The following TAF11 variants were observed in gnomAD, a reference collection of about 807,000 sequenced individuals.
TAF11 encodes transcription initiation factor TFIID subunit 11.
Under a neutral mutation model 23.0 loss-of-function variants are expected in TAF11, and 10 were observed. The ratio of observed to expected loss-of-function variants is 0.43; its 90% CI spans 0.27 to 0.74. The LOEUF (loss-of-function observed/expected upper bound fraction) is 0.74. Among genes scored for constraint, TAF11 ranks in the 30% least tolerant of loss-of-function variants. The pLI is 0.19. For missense variants in TAF11, 196 were observed against 261.7 expected (o/e 0.75, Z 1.73); for synonymous variants, 85 against 95.8 (o/e 0.89, Z 0.66).
At position 34,879,988 on chromosome 6, in the gene TAF11, C is replaced by T. The variant is rs377382395; in HGVS notation, c.484G>A (p.Val162Ile). Residue 162 changes from valine (V) to isoleucine (I), a missense_variant, in exon 4 of 5, where the codon GTC (valine) becomes ATC (isoleucine). Physicochemically the swap from Val to Ile is conservative, Grantham distance 29 (BLOSUM62 3). Coordinates refer to ENST00000361288, the MANE Select transcript of TAF11 (RefSeq NM_005643.4). ...TCACCTTCTTCTACCACCTCCCCGA[C>T]GAAAACCTTGGAAATACCAGACATA... ...IAMSGISKVF[V>I]GEVVEEALDV... 5.0e-6 allele frequency: 8 copies of T among 1,613,918 alleles called. No individual in the cohort carries two copies. The highest frequency in any genetic ancestry group is 1.3e-5 in the African/African-American group (1 of 74,902).
chr6:34,880,969 TAAAA>T lies in TAF11; in HGVS notation c.321-597_321-594del, dbSNP rs529692010. On this transcript the variant is annotated intron_variant, in intron 2 of 4. Transcript: ENST00000361288. The surrounding 1 kb of genome is among the most constrained non-coding windows in gnomAD (Gnocchi z 4.8). ...CATTTTTCATAAATCAGACCACTATTAAAAAAAGAATGGTATTAGAATATGGGAC... is the reference window on the plus strand; with the variant it reads ...CATTTTTCATAAATCAGACCACTATTAAAGAATGGTATTAGAATATGGGAC... 3.9e-5 allele frequency among the ~76,000 whole-genome samples: 6 copies of T among 152,070 alleles called. No individual in the cohort carries two copies. The highest frequency in any genetic ancestry group is 1.4e-4 in the African/African-American group (6 of 41,392).
At chr6:34,888,057 C>T, upstream of TAF11, 2 of 1,542,018 alleles carry the variant, frequency 1.3e-6, no homozygotes, top group Non-Finnish European at 1.7e-6. Context: ...CCTGTCGTCG[C>T]GCAGCGATGA....
At chr6:34,879,524 A>T (rs918530004) in intron 4 of TAF11, 68 of 985,048 alleles carry the variant, frequency 6.9e-5, no homozygotes, top group Middle Eastern at 5.2e-4. Flanking sequence ...AAAAAAAAAA[A>T]AAAATTTCAC....
intron 4 of TAF11, 46 bp downstream of exon 4, chr6:34,879,921 A>T (rs746122411): frequency 6.3e-7 from 1 of 1,590,674 alleles, no homozygotes; most frequent in Non-Finnish European, 8.6e-7. Context: ...CTTAAAAATA[A>T]GACCACCACA....
At position 34,877,628 on chromosome 6, in the gene TAF11, T is replaced by C. The variant is rs528516545; in HGVS notation, c.*962A>G. 2.0e-5 allele frequency: 3 copies of C among 152,696 alleles called. No individual in the cohort carries two copies. The highest frequency in any genetic ancestry group is 6.5e-5 in the Admixed American group (1 of 15,292). 9.5% of individuals were successfully genotyped at this position (152,696 alleles called of 1,614,324 possible). ...ACACTGTTTTTAACAGTGCTTGAAG[T>C]ACTCTTTTATGAGATAAAATTTTAA... is the stretch of plus-strand genomic sequence containing the variant. On this transcript the variant is annotated 3_prime_UTR_variant, in exon 5 of 5. Coordinates refer to ENST00000361288, the MANE Select transcript of TAF11 (RefSeq NM_005643.4).
intron 4 of TAF11, 94 bp from the exon 5 acceptor site, chr6:34,878,814 T>G: frequency 9.2e-7 from 1 of 1,090,682 alleles, no homozygotes; most frequent in Non-Finnish European, 1.4e-6. Context: ...TAACTTTTCT[T>G]AAGCTTGCTA....
chr6:34,880,340 G>T lies in TAF11; in HGVS notation c.357C>A (p.Asn119Lys), dbSNP rs773682405. The T allele has an allele frequency of 6.2e-7, 1 of 1,614,026 alleles. No individual in the cohort carries two copies. Residue 119 changes from asparagine (N) to lysine (K), a missense_variant, in exon 3 of 5, where the codon AAC becomes AAA. Physicochemically the swap from Asn to Lys is moderately conservative, Grantham distance 94. Transcript: ENST00000361288. This position sits in a 1 kb window ranked among gnomAD's most constrained non-coding sequence, Gnocchi z 4.8. ...CTGAGCGGCGATACATTTCATAACG[G>T]TTCAGCTGCTCCTCAGAAAAAGAAG... ...LVSSFSEEQLNRYEMYRRSAF... is the reference protein window; with the variant it reads ...LVSSFSEEQLKRYEMYRRSAF...
intron 1 of TAF11, 80 bp downstream of exon 1, chr6:34,887,707 G>A (rs1258092744): frequency 1.9e-6 from 3 of 1,553,370 alleles, no homozygotes; most frequent in Non-Finnish European, 2.7e-6. Flanking sequence ...ACTTGTTAGG[G>A]ACTAACCAGA....
At chr6:34,879,211 C>A in intron 4 of TAF11, 2 of 176,050 alleles carry the variant, frequency 1.1e-5, no homozygotes, top group Non-Finnish European at 2.1e-5. Context: ...TCTCAAATAA[C>A]TACATAAAAA....
At chr6:34,887,069 C>G (rs1444572781) in intron 1 of TAF11, among the ~76,000 whole-genome samples, 2 of 151,800 alleles carry the variant, frequency 1.3e-5, no homozygotes, top group Non-Finnish European at 2.9e-5. Flanking sequence ...TTTGGGAGGC[C>G]GAGGCGGGCG....
chr6:34,881,101 A>G (rs1414638306), intron 2 of TAF11, among the ~76,000 whole-genome samples: 1 of 152,226 alleles, frequency 6.6e-6, no homozygotes, highest in Non-Finnish European at 1.5e-5. Flanking sequence ...TGAATTAGCA[A>G]TTACACCTCT....
intron 1 of TAF11, 122 bp from the exon 2 acceptor site, chr6:34,883,202 AG>A: frequency 1.1e-6 from 1 of 936,384 alleles, no homozygotes; most frequent in Non-Finnish European, 1.6e-6. Flanking sequence ...TTTCAGTTCT[AG>A]GCACTGACTG....
intron 4 of TAF11, chr6:34,879,299 T>C (rs1766374821): frequency 1.2e-6 from 1 of 803,520 alleles, no homozygotes; most frequent in Non-Finnish European, 1.5e-6. Flanking sequence ...AAGAGGATCC[T>C]TTGAGCCCAG....
At chr6:34,878,778 A>G (rs1766362884) in intron 4 of TAF11, 58 bp from the exon 5 acceptor site, 1 of 1,449,602 alleles carries the variant, frequency 6.9e-7, no homozygotes, top group Non-Finnish European at 9.7e-7. Flanking sequence ...TAATCACATA[A>G]TCCTTTTGAG....
chr6:34,885,419 T>A (rs760398167), intron 1 of TAF11, among the ~76,000 whole-genome samples: 6 of 152,186 alleles, frequency 3.9e-5, no homozygotes, highest in Non-Finnish European at 5.9e-5. Flanking sequence ...TCCAGGGGGT[T>A]AGTTCTTTTT....
intron 4 of TAF11, chr6:34,879,290 A>AGAG: frequency 1.4e-6 from 1 of 704,006 alleles, no homozygotes; most frequent in Non-Finnish European, 1.7e-6. Flanking sequence ...GGCTGAGGCA[A>AGAG]GAGGATCCTT....
rs114306992 is a variant in TAF11 at position 34,887,802 on chromosome 6, T to C, written c.156A>G (p.Ala52=). 1 of 1,614,240 alleles carries C rather than the reference T, an allele frequency of 6.2e-7. No individual in the cohort carries two copies. The highest frequency in any genetic ancestry group is 2.2e-5 in the East Asian group (1 of 44,876). ...GDADVDLKEA[A]AEEGELESQD... is the part of the protein sequence containing the mutation. ...CTCTTCCTACCTCGCCTTCCTCCGC[T>C]GCAGCTTCTTTCAAGTCCACATCTG... is the stretch of plus-strand genomic sequence containing the variant. The change falls in exon 1 of 5, where the codon GCA becomes GCG. Residue 52 remains alanine, a synonymous_variant. Coordinates refer to ENST00000361288, the MANE Select transcript of TAF11 (RefSeq NM_005643.4).
At position 34,880,485 on chromosome 6, in the gene TAF11, A is replaced by C. The variant is rs988501141; in HGVS notation, c.321-109T>G. On this transcript the variant is annotated intron_variant, in intron 2 of 4. Coordinates refer to ENST00000361288, the MANE Select transcript of TAF11 (RefSeq NM_005643.4). The surrounding 1 kb of genome is among the most constrained non-coding windows in gnomAD (Gnocchi z 4.8). ...TCAAAAACGAATTCTTAAAGGGGTC[A>C]ATGGCATTAGGCTTGGTGCCTTGAG... 15 of 945,072 alleles carry C rather than the reference A, an allele frequency of 1.6e-5. No individual in the cohort carries two copies. Among genetic ancestry groups the C allele is most frequent in the Non-Finnish European group, 2.4e-5 (15 of 619,792 alleles). 58.5% of individuals were successfully genotyped at this position (945,072 alleles called of 1,614,324 possible).
intron 4 of TAF11, 61 bp from the exon 5 acceptor site, chr6:34,878,781 C>T: frequency 2.1e-6 from 3 of 1,397,346 alleles, no homozygotes; most frequent in Non-Finnish European, 3.0e-6. Context: ...TCACATAATC[C>T]TTTTGAGTCC....
Sources: allele counts gnomAD v4.1 joint callset (sites outside exome capture counted in the v4.1 genomes callset), GRCh38; gene constraint gnomAD v4.1.1; non-coding constraint Gnocchi (gnomAD v3.1); transcripts MANE v1.5; gene names NCBI Gene and HGNC (gene_info 2026-07-23, HGNC 2026-07-21).